The following ACAD11 variants were observed in gnomAD, a reference collection of about 807,000 sequenced individuals.
The protein encoded by ACAD11 is acyl-Coenzyme A dehydrogenase family, member 11.
ACAD11 carries 83 observed loss-of-function variants against 102.2 expected under a neutral mutation model. That is an observed-to-expected ratio of 0.81 (90% CI 0.68 to 0.97). ACAD11 has a LOEUF of 0.97. Among genes scored for constraint, ACAD11 ranks in the 50% least tolerant of loss-of-function variants. The pLI is 0.00. For missense variants in ACAD11, 901 were observed against 951.7 expected (o/e 0.95, Z 0.70); for synonymous variants, 324 against 319.8 (o/e 1.01, Z -0.14).
At chr3:132,591,917 T>G (rs772013773) in intron 13 of ACAD11, among the ~76,000 whole-genome samples, 42 of 152,178 alleles carry the variant, frequency 2.8e-4, no homozygotes, top group Non-Finnish European at 5.4e-4. Context: ...AACAAAAATG[T>G]TGCCACAGCC....
chr3:132,639,317 A>C (rs971084361), intron 5 of ACAD11, among the ~76,000 whole-genome samples, 175 bp downstream of exon 5: 3 of 152,230 alleles, frequency 2.0e-5, no homozygotes, highest in African/African-American at 7.2e-5. Flanking sequence ...CAGCTAACTT[A>C]TGCTGGAAAA....
intron 17 of ACAD11, among the ~76,000 whole-genome samples, chr3:132,561,500 G>T (rs1469380800): frequency 6.6e-6 from 1 of 152,138 alleles, no homozygotes; most frequent in African/African-American, 2.4e-5. Context: ...CTAAGGTAAA[G>T]ATGGCTGAAC....
Position 132,603,241 on chromosome 3 carries a change from A to AT in ACAD11, c.1608dup (p.Trp537MetfsTer57). 1 of 1,613,984 alleles carries AT rather than the reference A, an allele frequency of 6.2e-7. No individual in the cohort carries two copies. Among genetic ancestry groups the AT allele is most frequent in the Non-Finnish European group, 8.5e-7 (1 of 1,179,892 alleles). ...GCTGAACACTCACCACTGCTCCACC[A>AT]TTTTTTGCCGTTAATTACATAGCTA... On this transcript the variant is annotated frameshift_variant, in exon 13 of 20. Transcript: ENST00000264990. LOFTEE classifies it high-confidence loss of function.
At chr3:132,635,991 G>A (rs1482948674) in intron 5 of ACAD11, among the ~76,000 whole-genome samples, 5 of 152,092 alleles carry the variant, frequency 3.3e-5, no homozygotes, top group Admixed American at 1.3e-4. Flanking sequence ...AAGTAAAGAT[G>A]AGGCACTTAC....
Position 132,630,475 on chromosome 3 carries a change from G to A in ACAD11, c.925C>T (p.Leu309Phe), listed in dbSNP as rs779885100. The A allele has an allele frequency of 3.1e-6, 5 of 1,613,190 alleles. No homozygotes were observed. In the East Asian group the frequency reaches 1.1e-4, roughly 36 times the overall value. ...NSILPNWNFF[L>F]ALSYFKMAGI... ...GCCATCTTAAAATATGAAAGGGCAA[G>A]AAAGAAATTCCAGTTAGGAAGAATA... The change falls in exon 7 of 20, where the codon CTT (leucine) becomes TTT (phenylalanine). Residue 309 changes from leucine to phenylalanine, a missense_variant. Coordinates refer to ENST00000264990, the MANE Select transcript of ACAD11 (RefSeq NM_032169.5).
intron 5 of ACAD11, among the ~76,000 whole-genome samples, chr3:132,632,086 A>ATT (rs67471074): frequency 3.5e-5 from 5 of 141,732 alleles, no homozygotes; most frequent in African/African-American, 1.1e-4. Flanking sequence ...ATATATATGT[A>ATT]TTTTTTTTTT....
intron 18 of ACAD11, among the ~76,000 whole-genome samples, chr3:132,560,618 G>A (rs1266987277): frequency 6.6e-6 from 1 of 151,938 alleles, no homozygotes; most frequent in Non-Finnish European, 1.5e-5. Flanking sequence ...TGTTGCCCAG[G>A]CTGGTCTCGA....
chr3:132,589,468 C>A (rs1023650306), intron 13 of ACAD11, among the ~76,000 whole-genome samples: 1 of 152,198 alleles, frequency 6.6e-6, no homozygotes, highest in African/African-American at 2.4e-5. Flanking sequence ...GAATCATTTA[C>A]AGAGCGTTCA....
At chr3:132,616,033 C>G (rs1039842761) in intron 11 of ACAD11, among the ~76,000 whole-genome samples, 1 of 152,108 alleles carries the variant, frequency 6.6e-6, no homozygotes, top group South Asian at 2.1e-4. Context: ...AGAAACCTCT[C>G]GAAGTATTTA....
chr3:132,613,701 C>G (rs1939270042), intron 11 of ACAD11, among the ~76,000 whole-genome samples: 1 of 152,014 alleles, frequency 6.6e-6, no homozygotes, highest in African/African-American at 2.4e-5. Context: ...GAGCTTGAGA[C>G]CAGCCTGGTC....
intron 1 of ACAD11, among the ~76,000 whole-genome samples, chr3:132,655,209 G>A (rs13096279): frequency 0.95 from 145,353 of 152,304 alleles, 69,432 homozygotes; most frequent in East Asian, 1. Flanking sequence ...CTATGCCACT[G>A]ATATCTCCCT....
intron 11 of ACAD11, among the ~76,000 whole-genome samples, chr3:132,612,643 T>C (rs1261771317): frequency 1.3e-5 from 2 of 152,004 alleles, no homozygotes; most frequent in Non-Finnish European, 2.9e-5. Flanking sequence ...CATCACTGGC[T>C]ATCAGAGAAA....
Position 132,644,859 on chromosome 3 carries a change from C to T in ACAD11, c.187G>A (p.Gly63Ser). 3 of 1,611,654 alleles carry T rather than the reference C, an allele frequency of 1.9e-6. No individual in the cohort carries two copies. The highest frequency in any genetic ancestry group is 2.5e-6 in the Non-Finnish European group (3 of 1,179,098). ...TTCCTGAGCACATATGTTTGAAAGCCCTTCTGGAGATAAAAGGTTGGATTG... is the reference window on the plus strand; with the variant it reads ...TTCCTGAGCACATATGTTTGAAAGCTCTTCTGGAGATAAAAGGTTGGATTG... The part of the protein sequence containing the change: ...KSNPTFYLQK[G>S]FQTYVLRKKP... The change falls in exon 2 of 20, where the codon GGC becomes AGC. Residue 63 changes from glycine (G) to serine (S), a missense_variant. Physicochemically the swap from Gly to Ser is moderately conservative, Grantham distance 56. Coordinates refer to ENST00000264990, the MANE Select transcript of ACAD11 (RefSeq NM_032169.5).
chr3:132,591,563 C>G (rs62291487), intron 13 of ACAD11, among the ~76,000 whole-genome samples: 206 of 152,016 alleles, frequency 1.4e-3, no homozygotes, highest in Non-Finnish European at 2.0e-3. Flanking sequence ...CTAATATTTC[C>G]CAATATTACT....
intron 9 of ACAD11, among the ~76,000 whole-genome samples, chr3:132,625,839 T>G (rs1388807330): frequency 6.6e-6 from 1 of 152,164 alleles, no homozygotes; most frequent in African/African-American, 2.4e-5. Context: ...AATGAGAATG[T>G]GTTATATATT....
At chr3:132,632,582 A>T (rs1243329282) in intron 5 of ACAD11, among the ~76,000 whole-genome samples, 5 of 152,192 alleles carry the variant, frequency 3.3e-5, no homozygotes, top group Non-Finnish European at 7.3e-5. Context: ...GTTCCATATG[A>T]ACTTTAAAGC....
rs1939826007 is a variant in ACAD11, at chr3:132,626,687, TC to T, written c.1197+3del. The T allele has an allele frequency of 1.9e-6, 3 of 1,613,166 alleles. No individual in the cohort carries two copies. The highest frequency in any genetic ancestry group is 2.7e-5 in the African/African-American group (2 of 74,900). ...GAAATACATTCTGCTTATATAATAC[TC>T]ACCTTTTCAGCTGGAAGAATGTGTT... On this transcript the variant is annotated splice_donor_region_variant and intron_variant, in intron 9 of 19. Coordinates refer to ENST00000264990, the MANE Select transcript of ACAD11 (RefSeq NM_032169.5).
chr3:132,614,113 T>C (rs1027318332), intron 11 of ACAD11, among the ~76,000 whole-genome samples: 8 of 149,306 alleles, frequency 5.4e-5, no homozygotes, highest in African/African-American at 1.8e-4. Flanking sequence ...ATCCAACTTA[T>C]AAGGGATGTG....
intron 13 of ACAD11, among the ~76,000 whole-genome samples, chr3:132,579,976 A>T (rs966284107): frequency 6.6e-6 from 1 of 152,148 alleles, no homozygotes; most frequent in East Asian, 1.9e-4. Flanking sequence ...GTCAAATTTT[A>T]AAAATATTTT....
Sources: allele counts gnomAD v4.1 joint callset (sites outside exome capture counted in the v4.1 genomes callset), GRCh38; gene constraint gnomAD v4.1.1; transcripts MANE v1.5; gene names NCBI Gene and HGNC (gene_info 2026-07-23, HGNC 2026-07-21).